PCDHGA10: variants seen among roughly 807,000 people sequenced by gnomAD.
The protein encoded by PCDHGA10 is protocadherin gamma subfamily A, 10.
Under a neutral mutation model 59.5 loss-of-function variants are expected in PCDHGA10, and 42 were observed. The observed-to-expected ratio is 0.71, with a 90% CI of 0.55 to 0.91. PCDHGA10 has a LOEUF of 0.91. Among genes scored for constraint, PCDHGA10 ranks in the 40% least tolerant of loss-of-function variants. The pLI, the probability that PCDHGA10 is intolerant of heterozygous loss-of-function variation, is 0.00. For missense variants in PCDHGA10, 1,111 were observed against 1,198.2 expected, an observed-to-expected ratio of 0.93 and a Z score of 1.07; for synonymous variants, 511 against 517.2, an observed-to-expected ratio of 0.99 and a Z score of 0.16.
intron 1 of PCDHGA10, among the ~76,000 whole-genome samples, chr5:141,433,513 C>T (rs2097615953): frequency 6.6e-6 from 1 of 152,066 alleles, no homozygotes; most frequent in Non-Finnish European, 1.5e-5. Flanking sequence ...GGATTACAGG[C>T]GTGAACCACA....
Position 141,413,550 on chromosome 5 carries a change from A to C in PCDHGA10, c.375A>C (p.Ile125=), listed in dbSNP as rs2095653911. The change falls in exon 1 of 4, where the codon ATA becomes ATC. Residue 125 remains isoleucine (I), a synonymous_variant. Transcript: ENST00000398610. ...GGGTGAAACTTTTTGGGATAGAAAT[A>C]GAAGTAACTGATATCAATGACAATG... The part of the protein sequence containing the change: ...EDRVKLFGIE[I]EVTDINDNAP... The C allele has an allele frequency of 6.2e-7, 1 of 1,613,974 alleles. No individual in the cohort carries two copies. The highest frequency in any genetic ancestry group is 8.5e-7 in the Non-Finnish European group (1 of 1,179,912).
At position 141,424,135 on chromosome 5, in the gene PCDHGA10, G is replaced by A. The variant is rs572224199; in HGVS notation, c.2436+8524G>A. 1.1e-4 allele frequency: 47 copies of A among 431,606 alleles called. No individual in the cohort carries two copies. The South Asian group carries it at 4.6e-3, about 43-fold the overall frequency. The allele number at this position is 431,606 out of a possible 1,614,324, so 26.7% of individuals were successfully genotyped here. On this transcript the variant is annotated intron_variant, in intron 1 of 3. Coordinates refer to ENST00000398610, the MANE Select transcript of PCDHGA10 (RefSeq NM_018913.3). The stretch of plus-strand genomic sequence containing the variant: ...AAATTTTGATCCTGTTGATTTAATA[G>A]CATGCTCCCTCTAGCTCTCCTTCTC...
chr5:141,495,810 C>T (rs1003475681), intron 2 of PCDHGA10, among the ~76,000 whole-genome samples: 1 of 152,088 alleles, frequency 6.6e-6, no homozygotes, highest in Non-Finnish European at 1.5e-5. Context: ...CGTTTCCTAG[C>T]GCCTTGTGTT....
At chr5:141,419,187 C>G (rs1179461161) in intron 1 of PCDHGA10, 4 of 1,614,024 alleles carry the variant, frequency 2.5e-6, no homozygotes, top group Non-Finnish European at 2.5e-6. Context: ...CTGCACATTA[C>G]TGACGTCAAT....
Position 141,476,019 on chromosome 5 carries a change from C to T in PCDHGA10, c.2437-18788C>T, listed in dbSNP as rs964061075. The T allele has an allele frequency of 3.9e-5, 54 of 1,390,282 alleles. 1 individual carries two copies. Among genetic ancestry groups the T allele is most frequent in the Non-Finnish European group, 4.9e-5 (51 of 1,034,212 alleles). 86.1% of individuals were successfully genotyped at this position (1,390,282 alleles called of 1,614,324 possible). A position where few individuals can be genotyped will look rare whatever the true frequency, so the allele number is the denominator to read the frequency against. Reference sequence around the variant, plus strand: ...ACGGCATCCAGAAAGCCATGTCGGACTCGGCGCCCAGCGCCCAAGCGCTAA... The same window carrying T: ...ACGGCATCCAGAAAGCCATGTCGGATTCGGCGCCCAGCGCCCAAGCGCTAA... On this transcript the variant is annotated intron_variant, in intron 1 of 3. Transcript: ENST00000398610. This position sits in a 1 kb window ranked among gnomAD's most constrained non-coding sequence, Gnocchi z 7.6.
chr5:141,424,365 T>A (rs933291305), intron 1 of PCDHGA10: 7 of 152,246 alleles, frequency 4.6e-5, no homozygotes, highest in African/African-American at 1.7e-4. Context: ...TAGATCACAT[T>A]TTTTCTTAAG....
At chr5:141,484,750 GTA>G (rs545232987) in intron 1 of PCDHGA10, among the ~76,000 whole-genome samples, 18 of 149,824 alleles carry the variant, frequency 1.2e-4, no homozygotes, top group Admixed American at 4.7e-4. Flanking sequence ...GAAAAAAAAT[GTA>G]TATATATATA....
chr5:141,419,354 C>G (rs1444462815), intron 1 of PCDHGA10: 1 of 1,613,828 alleles, frequency 6.2e-7, no homozygotes, highest in Admixed American at 1.7e-5. Flanking sequence ...CCTGGAGTCA[C>G]GAACGCTGTC....
At chr5:141,468,837 G>T in intron 1 of PCDHGA10, among the ~76,000 whole-genome samples, 1 of 152,108 alleles carries the variant, frequency 6.6e-6, no homozygotes, top group South Asian at 2.1e-4. Flanking sequence ...CTGCACTCCA[G>T]CCTGGGCAAC....
At chr5:141,426,022 T>A (rs1174153557) in intron 1 of PCDHGA10, among the ~76,000 whole-genome samples, 3 of 152,204 alleles carry the variant, frequency 2.0e-5, no homozygotes, top group Admixed American at 2.0e-4. Flanking sequence ...GTTTTCTAAA[T>A]AGACTCAGAG....
chr5:141,473,367 T>C (rs1343477225), intron 1 of PCDHGA10, among the ~76,000 whole-genome samples: 1 of 152,178 alleles, frequency 6.6e-6, no homozygotes, highest in Non-Finnish European at 1.5e-5. Flanking sequence ...GCCACCAAAA[T>C]AGCATGGTCC....
In PCDHGA10 at chr5:141,485,251, C is replaced by T. The variant is rs748522322; in HGVS notation, c.2437-9556C>T. 7 of 1,614,092 alleles carry T rather than the reference C, an allele frequency of 4.3e-6. No individual in the cohort carries two copies. In the South Asian group the frequency reaches 6.6e-5, roughly 15 times the overall value. On this transcript the variant is annotated intron_variant, in intron 1 of 3. Transcript: ENST00000398610. This position sits in a 1 kb window ranked among gnomAD's most constrained non-coding sequence, Gnocchi z 5.7. The stretch of plus-strand genomic sequence containing the variant: ...TGTTCCTCTTTTACCACCTGGGTTA[C>T]GTTTGTGGGCAGATCCGCTACCCGG...
intron 1 of PCDHGA10, chr5:141,422,463 C>G (rs1461108652): frequency 6.2e-7 from 1 of 1,613,472 alleles, no homozygotes; most frequent in Non-Finnish European, 8.5e-7. Flanking sequence ...GAGTGCTGGA[C>G]AGGGAGTTGG....
At chr5:141,455,041 T>C (rs971722465) in intron 1 of PCDHGA10, among the ~76,000 whole-genome samples, 2 of 151,234 alleles carry the variant, frequency 1.3e-5, no homozygotes, top group Non-Finnish European at 2.9e-5. Flanking sequence ...CTCGATCTCC[T>C]GACCTCGTGA....
At chr5:141,441,742 T>C in intron 1 of PCDHGA10, 1 of 367,312 alleles carries the variant, frequency 2.7e-6, no homozygotes, top group Non-Finnish European at 5.4e-6. Context: ...TAGCTCGCGC[T>C]CGGCGTCAAC....
intron 1 of PCDHGA10, 93 bp downstream of exon 1, chr5:141,415,704 T>G: frequency 7.4e-7 from 1 of 1,344,464 alleles, no homozygotes; most frequent in Non-Finnish European, 1.0e-6. Flanking sequence ...GTGTAAATGC[T>G]AAAACACTGA....
At chr5:141,472,172 T>A (rs548514406) in intron 1 of PCDHGA10, among the ~76,000 whole-genome samples, 11 of 152,326 alleles carry the variant, frequency 7.2e-5, no homozygotes, top group African/African-American at 2.6e-4. Context: ...AGGTGTAATA[T>A]CCAGTATTGG....
rs2098995125 is a variant in PCDHGA10 at position 141,460,673 on chromosome 5, A to G, written c.2437-34134A>G. 2.6e-5 allele frequency among the ~76,000 whole-genome samples: 4 copies of G among 152,244 alleles called. No homozygotes were observed. The South Asian group carries it at 8.3e-4, about 32-fold the overall frequency. On this transcript the variant is annotated intron_variant, in intron 1 of 3. Coordinates refer to ENST00000398610, the MANE Select transcript of PCDHGA10 (RefSeq NM_018913.3). ...CATATGTAACTGTAAACACAGTTAT[A>G]TATCTATATATCCACCAACAGTTGA... is the stretch of plus-strand genomic sequence containing the variant.
rs57426385 is a variant in PCDHGA10, at chr5:141,415,740, G to GTTTTTTTTTTTT, written c.2436+150_2436+161dup. 137 of 625,016 alleles carry GTTTTTTTTTTTT rather than the reference G, an allele frequency of 2.2e-4. 2 individuals carry two copies. The highest frequency in any genetic ancestry group is 3.5e-4 in the Admixed American group (5 of 14,120). The allele number at this position is 625,016 out of a possible 1,614,324, so 38.7% of individuals were successfully genotyped here. On this transcript the variant is annotated intron_variant, in intron 1 of 3. Coordinates refer to ENST00000398610, the MANE Select transcript of PCDHGA10 (RefSeq NM_018913.3). ...TGAGTAGAATTTGATGTTTATTAAG[G>GTTTTTTTTTTTT]TTTTTTTTTTTTTTTTTTTTTTTTT... is the stretch of plus-strand genomic sequence containing the variant.
Sources: allele counts gnomAD v4.1 joint callset (sites outside exome capture counted in the v4.1 genomes callset), GRCh38; gene constraint gnomAD v4.1.1; non-coding constraint Gnocchi (gnomAD v3.1); transcripts MANE v1.5; gene names NCBI Gene and HGNC (gene_info 2026-07-23, HGNC 2026-07-21).